Variants in TRPM3 observed in about 807,000 individuals in gnomAD.
TRPM3 encodes transient receptor potential cation channel subfamily M member 3.
A neutral mutation model predicts 181.2 loss-of-function variants in TRPM3; 77 were observed. The observed-to-expected ratio is 0.42, with a 90% confidence interval of 0.35 to 0.51. TRPM3 has a LOEUF of 0.51. TRPM3 is among the 20% of genes least tolerant of loss of function. The pLI is 0.01. For missense variants in TRPM3, 1,759 were observed against 2,196.7 expected, an observed-to-expected ratio of 0.80 and a Z score of 3.98; for synonymous variants, 745 against 796.4, an observed-to-expected ratio of 0.94 and a Z score of 1.09.
chr9:70,817,584 C>T (rs2092811472), intron 6 of TRPM3, among the ~76,000 whole-genome samples: 3 of 152,194 alleles, frequency 2.0e-5, no homozygotes, highest in African/African-American at 7.2e-5. Flanking sequence ...GGGAAAGTGT[C>T]ATGCTAGGTT....
chr9:71,046,692 A>T (rs2059479685), intron 1 of TRPM3, among the ~76,000 whole-genome samples: 1 of 152,204 alleles, frequency 6.6e-6, no homozygotes, highest in Admixed American at 6.5e-5. Flanking sequence ...AAAGGAAGGT[A>T]GGAAAAAAGA....
intron 9 of TRPM3, among the ~76,000 whole-genome samples, chr9:70,672,374 A>G (rs4560858): frequency 0.66 from 99,848 of 151,982 alleles, 33,217 homozygotes; most frequent in African/African-American, 0.76. Flanking sequence ...GCTCATGATC[A>G]CTCTGTCTAA....
intron 1 of TRPM3, among the ~76,000 whole-genome samples, chr9:70,950,928 T>C (rs932363007): frequency 2.6e-5 from 4 of 152,120 alleles, no homozygotes; most frequent in African/African-American, 9.7e-5. Context: ...GATGCATACT[T>C]GGTAGATGCT....
chr9:71,335,089 G>A (rs1045704263), intron 1 of TRPM3, among the ~76,000 whole-genome samples: 19 of 152,056 alleles, frequency 1.2e-4, no homozygotes, highest in African/African-American at 3.4e-4. Flanking sequence ...AGGAGATCAC[G>A]GGTAACCAAA....
rs1429193586 is a variant in TRPM3 at position 70,938,860 on chromosome 9, A to T, written c.178-74349T>A. On this transcript the variant is annotated intron_variant, in intron 1 of 25. Coordinates refer to ENST00000677713, the MANE Select transcript of TRPM3 (RefSeq NM_001366145.2). ...GTAGTCCCAGCTACTTGGGAAGCTG[A>T]GGCAGGAGAATGGCATGAACCTGGG... Among the ~76,000 whole-genome samples, 3 of 152,044 alleles carry T rather than the reference A, an allele frequency of 2.0e-5. No individual in the cohort carries two copies. In the East Asian group the frequency reaches 5.8e-4, roughly 29 times the overall value.
intron 1 of TRPM3, among the ~76,000 whole-genome samples, chr9:71,126,623 T>G (rs1234917106): frequency 1.3e-5 from 2 of 152,224 alleles, no homozygotes; most frequent in African/African-American, 4.8e-5. Context: ...TTTGCCATCT[T>G]TTGTAGATAA....
At chr9:71,299,101 T>C (rs1203767388) in intron 1 of TRPM3, among the ~76,000 whole-genome samples, 2 of 152,188 alleles carry the variant, frequency 1.3e-5, no homozygotes, top group Admixed American at 6.6e-5. Flanking sequence ...TTCTGAACGA[T>C]GAAAACCATT....
chr9:70,943,230 A>C (rs982597551), intron 1 of TRPM3, among the ~76,000 whole-genome samples: 2 of 152,212 alleles, frequency 1.3e-5, no homozygotes, highest in African/African-American at 4.8e-5. Context: ...TGCTACATTT[A>C]GATGTAAGTA....
intron 7 of TRPM3, among the ~76,000 whole-genome samples, chr9:70,766,941 T>C (rs1357354671): frequency 6.6e-6 from 1 of 152,230 alleles, no homozygotes; most frequent in East Asian, 1.9e-4. Context: ...TCTCATAGGC[T>C]TGTGAATATT....
chr9:70,978,098 G>A (rs1479465568), intron 1 of TRPM3, among the ~76,000 whole-genome samples: 1 of 152,142 alleles, frequency 6.6e-6, no homozygotes, highest in Non-Finnish European at 1.5e-5. Context: ...CTACCTAGGG[G>A]CCCTCTAACA....
rs536810241 is a variant in TRPM3, at chr9:70,591,172, G to A, written c.3082C>T (p.Leu1028=). The part of the protein sequence containing the change: ...IDMMYFVIIM[L]VVLMSFGVAR... ...ACCCCAAAGCTCATCAGAACCACCA[G>A]CATAATGATGACAAAGTACATCATG... Residue 1028 remains leucine (L), a synonymous_variant, in exon 22 of 26, where the codon CTG becomes TTG. Coordinates refer to ENST00000677713, the MANE Select transcript of TRPM3 (RefSeq NM_001366145.2). 28 of 1,614,102 alleles carry A rather than the reference G, an allele frequency of 1.7e-5. No homozygotes were observed. The South Asian group carries it at 2.5e-4, about 15-fold the overall frequency.
intron 1 of TRPM3, among the ~76,000 whole-genome samples, chr9:70,977,524 C>T (rs531752985): frequency 1.8e-4 from 27 of 152,326 alleles, no homozygotes; most frequent in African/African-American, 6.3e-4. Flanking sequence ...CTCTGGATAC[C>T]AACTGGGCAT....
chr9:71,427,813 A>G (rs1265190810), intron 1 of TRPM3, among the ~76,000 whole-genome samples: 1 of 152,178 alleles, frequency 6.6e-6, no homozygotes, highest in Non-Finnish European at 1.5e-5. Flanking sequence ...TACTATGCTC[A>G]CTTCACTATC....
At chr9:70,885,986 A>G (rs1004849587) in intron 1 of TRPM3, among the ~76,000 whole-genome samples, 1 of 152,194 alleles carries the variant, frequency 6.6e-6, no homozygotes, top group South Asian at 2.1e-4. Flanking sequence ...TTCAATCTGT[A>G]TGTTGTAACT....
At chr9:71,156,700 G>A (rs1854558) in intron 1 of TRPM3, among the ~76,000 whole-genome samples, 49,472 of 151,880 alleles carry the variant, frequency 0.33, 9,311 homozygotes, top group African/African-American at 0.52. Flanking sequence ...ACTTAGGAAA[G>A]CTTGCTATAA....
chr9:70,971,144 A>G (rs1443796980), intron 1 of TRPM3, among the ~76,000 whole-genome samples: 1 of 152,134 alleles, frequency 6.6e-6, no homozygotes, highest in East Asian at 1.9e-4. Flanking sequence ...AATCTGAAAA[A>G]CACTGAATTA....
chr9:71,200,118 A>T (rs1184252281), intron 1 of TRPM3, among the ~76,000 whole-genome samples: 5 of 152,066 alleles, frequency 3.3e-5, no homozygotes, highest in Admixed American at 2.6e-4. Flanking sequence ...TTCTGCCTTC[A>T]TTTCGTTATG....
intron 1 of TRPM3, among the ~76,000 whole-genome samples, chr9:70,879,567 G>A (rs2095943988): frequency 6.6e-6 from 1 of 151,802 alleles, no homozygotes; most frequent in African/African-American, 2.4e-5. Context: ...ACTCATTTAG[G>A]GCAGGGACCA....
intron 3 of TRPM3, 118 bp downstream of exon 3, chr9:70,862,790 A>T: frequency 3.0e-6 from 3 of 994,094 alleles, no homozygotes; most frequent in Non-Finnish European, 4.7e-6. Context: ...TCACCTCATC[A>T]GACAGTGGCA....
Sources: gnomAD v4.1 joint callset for allele counts (sites outside exome capture counted in the v4.1 genomes callset) on GRCh38, gnomAD v4.1.1 for gene constraint, MANE v1.5 for transcripts, NCBI Gene and HGNC (gene_info 2026-07-23, HGNC 2026-07-21) for gene names.